UBXN7: variants seen among roughly 807,000 people sequenced by gnomAD.
The protein encoded by UBXN7 is UBX domain protein 7.
Under a neutral mutation model 58.0 loss-of-function variants are expected in UBXN7, and 9 were observed. The observed-to-expected ratio is 0.16, with a 90% confidence interval of 0.09 to 0.27. The LOEUF is 0.27. UBXN7 is among the 10% of genes least tolerant of loss of function. UBXN7 has a pLI of 1.00. For missense variants in UBXN7, 328 were observed against 599.6 expected, an observed-to-expected ratio of 0.55 and a Z score of 4.73; for synonymous variants, 208 against 205.0, an observed-to-expected ratio of 1.01 and a Z score of -0.12.
In UBXN7 at chr3:196,349,641, A is replaced by C. The variant is rs1728166990; in HGVS notation, c.*7044T>G. Reference sequence around the variant, plus strand: ...GAACCAGCTACCTAGATAGAGAGAAAAAAGGAGAATGGCAGGGAACGGTTC... The same window carrying C: ...GAACCAGCTACCTAGATAGAGAGAACAAAGGAGAATGGCAGGGAACGGTTC... On this transcript the variant is annotated 3_prime_UTR_variant, in exon 11 of 11. Coordinates refer to ENST00000296328, the MANE Select transcript of UBXN7 (RefSeq NM_015562.2). The C allele has an allele frequency of 1.3e-5, 2 of 152,194 alleles. No homozygotes were observed. Among genetic ancestry groups the C allele is most frequent in the Non-Finnish European group, 2.9e-5 (2 of 68,020 alleles). 9.4% of individuals were successfully genotyped at this position (152,194 alleles called of 1,614,324 possible).
At chr3:196,366,073 A>G (rs1728656016) in intron 8 of UBXN7, among the ~76,000 whole-genome samples, 1 of 152,214 alleles carries the variant, frequency 6.6e-6, no homozygotes, top group Non-Finnish European at 1.5e-5. Flanking sequence ...CAAAAAAACT[A>G]TAAATCAAGC....
intron 1 of UBXN7, among the ~76,000 whole-genome samples, chr3:196,422,480 A>C (rs1730719375): frequency 6.6e-6 from 1 of 151,876 alleles, no homozygotes; most frequent in South Asian, 2.1e-4. Flanking sequence ...ATCTTGTCTC[A>C]AAAGAAAAAA....
chr3:196,359,791 G>C (rs1728456440), intron 10 of UBXN7, among the ~76,000 whole-genome samples: 1 of 151,926 alleles, frequency 6.6e-6, no homozygotes, highest in Non-Finnish European at 1.5e-5. Flanking sequence ...TGTAATCCCA[G>C]CTACTCGGGA....
At chr3:196,380,578 A>G (rs2108838899) in intron 5 of UBXN7, among the ~76,000 whole-genome samples, 1 of 152,310 alleles carries the variant, frequency 6.6e-6, no homozygotes, top group Non-Finnish European at 1.5e-5. Context: ...AAGACGGACG[A>G]TTTCTGCATT....
chr3:196,422,438 C>G (rs150562778), intron 1 of UBXN7, among the ~76,000 whole-genome samples: 4 of 151,104 alleles, frequency 2.6e-5, no homozygotes, highest in Non-Finnish European at 5.9e-5. Context: ...TATGATAACA[C>G]GGCTGCACTC....
chr3:196,401,159 C>CCCAGCACT (rs1218464673), intron 3 of UBXN7, among the ~76,000 whole-genome samples: 1 of 145,376 alleles, frequency 6.9e-6, no homozygotes, highest in Non-Finnish European at 1.5e-5. Flanking sequence ...TGCCTGTAAT[C>CCCAGCACT]CCAGCACTTT....
chr3:196,398,669 T>A (rs941747955), intron 3 of UBXN7, among the ~76,000 whole-genome samples: 4 of 152,212 alleles, frequency 2.6e-5, no homozygotes, highest in Non-Finnish European at 5.9e-5. Flanking sequence ...ATGAGGTCTG[T>A]CATCAGTAGG....
At position 196,411,844 on chromosome 3, in the gene UBXN7, A is replaced by G. The variant is rs1577471755; in HGVS notation, c.74-4451T>C. Among the ~76,000 whole-genome samples the G allele has an allele frequency of 1.3e-5, 2 of 152,302 alleles. 1 individual carries two copies. The highest frequency in any genetic ancestry group is 4.1e-4 in the South Asian group (2 of 4,824). On this transcript the variant is annotated intron_variant, in intron 1 of 10. Transcript: ENST00000296328. ...AACAAACTAGCAGATGACATGGAGT[A>G]GCTATAGCCTTTTCTGATAGCTGAT...
chr3:196,388,088 A>G (rs1156942773), intron 5 of UBXN7, among the ~76,000 whole-genome samples: 1 of 152,086 alleles, frequency 6.6e-6, no homozygotes, highest in East Asian at 1.9e-4. Context: ...TGTGGCACAT[A>G]TACAACATGG....
In UBXN7 at chr3:196,349,043, G is replaced by C. The variant is rs1183545422; in HGVS notation, c.*7642C>G. ...TCTGGAAAAAAAGATTATCAGAGGA[G>C]TGAAGAAAACCGTGTCTAACAGATT... On this transcript the variant is annotated 3_prime_UTR_variant, in exon 11 of 11. Coordinates refer to ENST00000296328, the MANE Select transcript of UBXN7 (RefSeq NM_015562.2). The C allele has an allele frequency of 1.3e-5, 2 of 152,230 alleles. No homozygotes were observed. Among genetic ancestry groups the C allele is most frequent in the Non-Finnish European group, 2.9e-5 (2 of 68,044 alleles). 9.4% of individuals were successfully genotyped at this position (152,230 alleles called of 1,614,324 possible).
At chr3:196,401,670 C>G (rs1276585186) in intron 3 of UBXN7, among the ~76,000 whole-genome samples, 1 of 147,164 alleles carries the variant, frequency 6.8e-6, no homozygotes, top group Admixed American at 6.8e-5. Flanking sequence ...GGCTCGCTCC[C>G]GTAATCCCAG....
chr3:196,369,597 TCTCCAAATATAC>T (rs1319944734), intron 6 of UBXN7, 86 bp from the exon 7 acceptor site: 10 of 885,422 alleles, frequency 1.1e-5, no homozygotes, highest in Admixed American at 2.3e-5. Flanking sequence ...ATCAATTAGC[TCTCCAAATATAC>T]CTCCGGCCTA....
rs552002625 is a variant in UBXN7, at chr3:196,355,315, G to A, written c.*1370C>T. On this transcript the variant is annotated 3_prime_UTR_variant, in exon 11 of 11. Coordinates refer to ENST00000296328, the MANE Select transcript of UBXN7 (RefSeq NM_015562.2). Reference sequence around the variant, plus strand: ...AGGACTCCATTTAAGCTCAAAATACGAAATGAGCATAGGGTGAAGTTGATG... The same window carrying A: ...AGGACTCCATTTAAGCTCAAAATACAAAATGAGCATAGGGTGAAGTTGATG... 7.9e-5 allele frequency: 12 copies of A among 152,240 alleles called. No individual in the cohort carries two copies. The East Asian group carries it at 2.1e-3, about 27-fold the overall frequency. 9.4% of individuals were successfully genotyped at this position (152,240 alleles called of 1,614,324 possible).
intron 5 of UBXN7, among the ~76,000 whole-genome samples, chr3:196,380,859 C>A (rs1454856209): frequency 6.6e-6 from 1 of 152,250 alleles, no homozygotes; most frequent in Non-Finnish European, 1.5e-5. Context: ...GTCCCACGCC[C>A]ATGGAGCCTT....
chr3:196,373,667 C>T (rs1216819070), intron 5 of UBXN7, among the ~76,000 whole-genome samples: 2 of 149,064 alleles, frequency 1.3e-5, no homozygotes, highest in Non-Finnish European at 1.5e-5. Context: ...TACATCATCT[C>T]ACAAATAGCT....
intron 3 of UBXN7, among the ~76,000 whole-genome samples, chr3:196,395,442 T>C (rs537536951): frequency 2.6e-4 from 39 of 152,224 alleles, no homozygotes; most frequent in African/African-American, 9.1e-4. Context: ...TACACTGTCA[T>C]GTTTTATTTT....
At chr3:196,418,800 G>A (rs932917331) in intron 1 of UBXN7, among the ~76,000 whole-genome samples, 7 of 152,166 alleles carry the variant, frequency 4.6e-5, no homozygotes, top group Admixed American at 2.0e-4. Context: ...CCATAGTAAC[G>A]GAAGTAACAA....
At chr3:196,371,800 A>C (rs1577439565) in intron 6 of UBXN7, 96 bp downstream of exon 6, 1 of 1,457,432 alleles carries the variant, frequency 6.9e-7, no homozygotes, top group South Asian at 1.4e-5. Flanking sequence ...CCTTTTTTTA[A>C]ATGTCTTAAT....
intron 1 of UBXN7, among the ~76,000 whole-genome samples, chr3:196,426,632 T>C (rs1429749663): frequency 6.6e-6 from 1 of 152,088 alleles, no homozygotes; most frequent in African/African-American, 2.4e-5. Flanking sequence ...GAGGATCACC[T>C]GAGGTCGGGA....
Sources: allele counts gnomAD v4.1 joint callset (sites outside exome capture counted in the v4.1 genomes callset), GRCh38; gene constraint gnomAD v4.1.1; transcripts MANE v1.5; gene names NCBI Gene and HGNC (gene_info 2026-07-23, HGNC 2026-07-21).